The following MALRD1 variants were observed in gnomAD, a reference collection of about 807,000 sequenced individuals.
The protein encoded by MALRD1 is MAM and LDL-receptor class A domain-containing protein 1.
In MALRD1, 247 loss-of-function variants were observed where a neutral mutation model predicts 242.1. The observed-to-expected ratio is 1.02, with a 90% CI of 0.92 to 1.13. The LOEUF is 1.13. Ranked by LOEUF, MALRD1 falls within the 50% of genes most tolerant of loss-of-function variation. The pLI, the probability that MALRD1 is intolerant of heterozygous loss-of-function variation, is 0.00. For missense variants in MALRD1, 2,989 were observed against 2,533.1 expected (o/e 1.18, Z -3.86); for synonymous variants, 995 against 866.6 (o/e 1.15, Z -2.60).
chr10:19,131,466 T>A (rs1021873803), intron 8 of MALRD1, among the ~76,000 whole-genome samples: 1 of 152,168 alleles, frequency 6.6e-6, no homozygotes, highest in African/African-American at 2.4e-5. Context: ...TTGGGTTAGA[T>A]CTGCGTCCAT....
intron 33 of MALRD1, among the ~76,000 whole-genome samples, chr10:19,581,544 T>C (rs1436091410): frequency 6.6e-6 from 1 of 151,018 alleles, no homozygotes; most frequent in Non-Finnish European, 1.5e-5. Context: ...ACAAAGGACA[T>C]GAACTCATCA....
chr10:19,602,351 C>G (rs145257151), intron 34 of MALRD1, among the ~76,000 whole-genome samples: 42,219 of 129,256 alleles, frequency 0.33, 7,785 homozygotes, highest in Admixed American at 0.5. Context: ...CCCCCTCCCC[C>G]CACCCTATGA....
At chr10:19,264,450 C>CT (rs1839891821) in intron 19 of MALRD1, among the ~76,000 whole-genome samples, 1 of 147,452 alleles carries the variant, frequency 6.8e-6, no homozygotes, top group East Asian at 2.0e-4. Context: ...TTCCTTTTTT[C>CT]TTTTTCTTTT....
At chr10:19,286,945 A>C (rs930743332) in intron 21 of MALRD1, among the ~76,000 whole-genome samples, 6 of 151,474 alleles carry the variant, frequency 4.0e-5, no homozygotes, top group Admixed American at 2.0e-4. Context: ...AACCGAATCC[A>C]GCAGCACATC....
intron 29 of MALRD1, among the ~76,000 whole-genome samples, chr10:19,467,143 A>C (rs1333985952): frequency 6.6e-6 from 1 of 152,066 alleles, no homozygotes; most frequent in Non-Finnish European, 1.5e-5. Context: ...TCATGAGGTC[A>C]GGAAATCAAG....
At chr10:19,671,942 T>G (rs1333888213) in intron 36 of MALRD1, among the ~76,000 whole-genome samples, 1 of 152,040 alleles carries the variant, frequency 6.6e-6, no homozygotes, top group African/African-American at 2.4e-5. Context: ...TTTTTTTTCA[T>G]TTTTTCTTTT....
chr10:19,733,305 T>C lies in MALRD1; in HGVS notation c.6391-852T>C, dbSNP rs1835368610. Among the ~76,000 whole-genome samples the C allele has an allele frequency of 2.6e-5, 4 of 152,296 alleles. No individual in the cohort carries two copies. In the South Asian group the frequency reaches 8.3e-4, roughly 32 times the overall value. ...CATTGTTGTTTCACCTCTACTGCCCTCCATTTCCTCACCCTCCAGAAGGTT... is the reference window on the plus strand; with the variant it reads ...CATTGTTGTTTCACCTCTACTGCCCCCCATTTCCTCACCCTCCAGAAGGTT... On this transcript the variant is annotated intron_variant, in intron 39 of 39. Transcript: ENST00000454679.
intron 29 of MALRD1, among the ~76,000 whole-genome samples, chr10:19,460,168 C>T (rs1441592956): frequency 2.6e-5 from 4 of 152,046 alleles, no homozygotes; most frequent in African/African-American, 9.7e-5. Context: ...ACTTTATACT[C>T]ATATATAATT....
At chr10:19,046,954 G>A (rs1834352839), upstream of MALRD1, among the ~76,000 whole-genome samples, 6 of 152,306 alleles carry the variant, frequency 3.9e-5, no homozygotes, top group South Asian at 1.2e-3. Flanking sequence ...CTGTGCTGGA[G>A]AGCATAGGGA....
intron 19 of MALRD1, among the ~76,000 whole-genome samples, chr10:19,278,482 CATCT>C (rs746164420): frequency 7.9e-5 from 12 of 151,390 alleles, no homozygotes; most frequent in Admixed American, 1.3e-4. Flanking sequence ...TCCATCCATC[CATCT>C]ATCCATCCAT....
chr10:19,665,820 G>T (rs577767609), intron 36 of MALRD1, among the ~76,000 whole-genome samples: 1 of 151,542 alleles, frequency 6.6e-6, no homozygotes, highest in South Asian at 2.1e-4. Context: ...CTTTCTTTGT[G>T]TCCCTTGGAT....
chr10:19,414,507 T>C (rs868484708), intron 28 of MALRD1, among the ~76,000 whole-genome samples: 46 of 152,304 alleles, frequency 3.0e-4, no homozygotes, highest in African/African-American at 1.1e-3. Context: ...AAATGATGAA[T>C]TGGTTTTAGA....
chr10:19,428,732 G>A (rs369313033), intron 28 of MALRD1, among the ~76,000 whole-genome samples: 21 of 152,028 alleles, frequency 1.4e-4, no homozygotes, highest in South Asian at 2.1e-4. Flanking sequence ...TATTTAAACC[G>A]CAAGCATACT....
intron 5 of MALRD1, among the ~76,000 whole-genome samples, chr10:19,121,571 C>A (rs1002941149): frequency 3.3e-5 from 5 of 151,742 alleles, no homozygotes; most frequent in African/African-American, 1.2e-4. Context: ...CCATTTAGGT[C>A]CTGAAGGAAA....
At chr10:19,547,705 T>G (rs2131394814) in intron 32 of MALRD1, among the ~76,000 whole-genome samples, 1 of 140,536 alleles carries the variant, frequency 7.1e-6, no homozygotes, top group East Asian at 2.2e-4. Flanking sequence ...TCACTTAAAT[T>G]TAAACCTAAT....
At chr10:19,074,936 CT>C (rs1179031030) in intron 2 of MALRD1, among the ~76,000 whole-genome samples, 2 of 150,308 alleles carry the variant, frequency 1.3e-5, no homozygotes, top group Non-Finnish European at 3.0e-5. Flanking sequence ...AAAGATACAT[CT>C]TTTGAACCAT....
intron 24 of MALRD1, among the ~76,000 whole-genome samples, chr10:19,343,544 T>A (rs1359486107): frequency 1.3e-5 from 2 of 152,120 alleles, no homozygotes; most frequent in African/African-American, 4.8e-5. Context: ...TTGTTTTATA[T>A]CTCTTTGCTT....
At chr10:19,066,965 C>G (rs1452864594) in intron 2 of MALRD1, 106 bp downstream of exon 2, 2 of 817,940 alleles carry the variant, frequency 2.4e-6, no homozygotes, top group Non-Finnish European at 3.3e-6. Context: ...CGTTCCCCAC[C>G]ACATGTTTAA....
At chr10:19,633,551 C>G (rs1045023925) in intron 36 of MALRD1, 1 of 152,100 alleles carries the variant, frequency 6.6e-6, no homozygotes, top group Non-Finnish European at 1.5e-5. Flanking sequence ...GAATATCCTA[C>G]CCATATTAGT....
Sources: allele counts gnomAD v4.1 joint callset (sites outside exome capture counted in the v4.1 genomes callset), GRCh38; gene constraint gnomAD v4.1.1; transcripts MANE v1.5; gene names NCBI Gene and HGNC (gene_info 2026-07-23, HGNC 2026-07-21).